The following IGFBP5 variants were observed in gnomAD, a reference collection of about 807,000 sequenced individuals.
IGFBP5 encodes the protein insulin-like growth factor-binding protein 5.
Under a neutral mutation model 28.0 loss-of-function variants are expected in IGFBP5, and 12 were observed. The observed-to-expected ratio is 0.43, with a 90% CI of 0.27 to 0.69. The LOEUF is 0.69. Ranked by LOEUF, IGFBP5 falls within the 30% of genes least tolerant of loss-of-function variation. The probability of loss-of-function intolerance (pLI) is 0.20; values close to 1 mark genes in which losing one functional copy is unlikely to be tolerated. For synonymous variants in IGFBP5, 152 were observed against 150.2 expected (o/e 1.01, Z -0.09); for missense variants, 344 against 381.6 (o/e 0.90, Z 0.82).
intron 2 of IGFBP5, 42 bp downstream of exon 2, chr2:216,678,808 G>A (rs1250469499): frequency 1.3e-6 from 2 of 1,530,226 alleles, no homozygotes; most frequent in African/African-American, 1.4e-5. Context: ...TGCAGGAAAA[G>A]GTCAAAAGCT....
rs1002365842 is a variant in IGFBP5 at position 216,692,460 on chromosome 2, C to A, written c.337+1979G>T. ...CGCGCGTGCGCTCTGCGTGTACACC[C>A]TTCACACTAGCCACATCACACTACA... On this transcript the variant is annotated intron_variant, in intron 1 of 3. Coordinates refer to ENST00000233813, the MANE Select transcript of IGFBP5 (RefSeq NM_000599.4). The surrounding 1 kb of genome is among the most constrained non-coding windows in gnomAD (Gnocchi z 4.2). Among the ~76,000 whole-genome samples the A allele has an allele frequency of 6.6e-6, 1 of 151,866 alleles. No individual in the cohort carries two copies. The highest frequency in any genetic ancestry group is 1.5e-5 in the Non-Finnish European group (1 of 67,984).
intron 1 of IGFBP5, among the ~76,000 whole-genome samples, chr2:216,681,379 A>G (rs889912187): frequency 1.3e-5 from 2 of 152,122 alleles, no homozygotes; most frequent in Non-Finnish European, 2.9e-5. Flanking sequence ...CAAGATTGTA[A>G]CTGGATAAAG....
rs937953288 is a variant in IGFBP5, at chr2:216,675,352, G to A, written c.*1399C>T. On this transcript the variant is annotated 3_prime_UTR_variant, in exon 4 of 4. Transcript: ENST00000233813. ...TGTTCAGATGAAAGGAAAAGGCTGGGGTGGGACTGGTGGATCCATCGTGGA... is the reference window on the plus strand; with the variant it reads ...TGTTCAGATGAAAGGAAAAGGCTGGAGTGGGACTGGTGGATCCATCGTGGA... 1 of 152,600 alleles carries A rather than the reference G, an allele frequency of 6.6e-6. No homozygotes were observed. Among genetic ancestry groups the A allele is most frequent in the Non-Finnish European group, 1.5e-5 (1 of 68,094 alleles). The allele number at this position is 152,600 out of a possible 1,614,324, so 9.5% of individuals were successfully genotyped here.
At chr2:216,678,720 G>T in intron 2 of IGFBP5, 130 bp downstream of exon 2, 1 of 732,210 alleles carries the variant, frequency 1.4e-6, no homozygotes, top group Non-Finnish European at 2.3e-6. Context: ...CACGTCCTAA[G>T]CTGAGCCACA....
In IGFBP5 at chr2:216,676,724, G is replaced by A. The variant is rs750094542; in HGVS notation, c.*27C>T. 2.0e-6 allele frequency: 3 copies of A among 1,533,302 alleles called. No homozygotes were observed. The highest frequency in any genetic ancestry group is 3.5e-5 in the Admixed American group (2 of 57,512). 95.0% of individuals were successfully genotyped at this position (1,533,302 alleles called of 1,614,324 possible). On this transcript the variant is annotated 3_prime_UTR_variant, in exon 4 of 4. Coordinates refer to ENST00000233813, the MANE Select transcript of IGFBP5 (RefSeq NM_000599.4). ...GAGTCGGGGCTGGGGGTGGGAGGGG[G>A]TGAGGGAAAGGTTGGGGGGGGACGC...
Position 216,695,296 on chromosome 2 carries a change from C to G in IGFBP5, c.-521G>C, listed in dbSNP as rs1689154946. On this transcript the variant is annotated 5_prime_UTR_variant, in exon 1 of 4. Transcript: ENST00000233813. ...ACAGGTAAGAGGCGTTGGCTGCAGC[C>G]GAGAGGGTGGGAGAAAATGTTGAAA... 6.6e-6 allele frequency: 1 copy of G among 152,282 alleles called. No homozygotes were observed. Among genetic ancestry groups the G allele is most frequent in the African/African-American group, 2.4e-5 (1 of 41,394 alleles). 9.4% of individuals were successfully genotyped at this position (152,282 alleles called of 1,614,324 possible).
intron 1 of IGFBP5, among the ~76,000 whole-genome samples, chr2:216,690,746 G>C (rs1689085375): frequency 6.7e-6 from 1 of 148,602 alleles, no homozygotes; most frequent in African/African-American, 2.5e-5. Flanking sequence ...GGGGTGGATG[G>C]AGAAGGTCGG....
chr2:216,690,907 G>A (rs1314705107), intron 1 of IGFBP5, among the ~76,000 whole-genome samples: 1 of 126,882 alleles, frequency 7.9e-6, no homozygotes. Context: ...GGGGGCGGGG[G>A]CGGTGGGCGG....
chr2:216,689,490 T>C (rs2241193), intron 1 of IGFBP5, among the ~76,000 whole-genome samples: 125,429 of 152,236 alleles, frequency 0.82, 51,891 homozygotes, highest in Non-Finnish European at 0.87. Flanking sequence ...TAAAACAGAG[T>C]GCCTTCAGAT....
In IGFBP5 at chr2:216,675,868, T is replaced by C. The variant is rs1040832672; in HGVS notation, c.*883A>G. On this transcript the variant is annotated 3_prime_UTR_variant, in exon 4 of 4. Coordinates refer to ENST00000233813, the MANE Select transcript of IGFBP5 (RefSeq NM_000599.4). The stretch of plus-strand genomic sequence containing the variant: ...AGAGGCTGCTGCGCTACTTACAAAT[T>C]GAATTAAATGAGGGCTGAAACGGCA... 2 of 152,018 alleles carry C rather than the reference T, an allele frequency of 1.3e-5. No individual in the cohort carries two copies. The highest frequency in any genetic ancestry group is 4.8e-5 in the African/African-American group (2 of 41,350). 9.4% of individuals were successfully genotyped at this position (152,018 alleles called of 1,614,324 possible).
In IGFBP5 at chr2:216,678,874, A is replaced by G. The variant is rs775801440; in HGVS notation, c.543T>C (p.Pro181=). ...NTAHPRIISA[P]EMRQESEQGP... ...CCTGCTCAGACTCCTGTCTCATCTCAGGTGCAGAGATGATCCGGGGGTGGG... is the reference window on the plus strand; with the variant it reads ...CCTGCTCAGACTCCTGTCTCATCTCGGGTGCAGAGATGATCCGGGGGTGGG... The change falls in exon 2 of 4, where the codon CCT becomes CCC. Residue 181 remains proline (P), a synonymous_variant. Transcript: ENST00000233813. 3.7e-6 allele frequency: 6 copies of G among 1,613,526 alleles called. No individual in the cohort carries two copies. The Admixed American group carries it at 1.0e-4, about 27-fold the overall frequency.
chr2:216,695,060 C>CGGAGG lies in IGFBP5; in HGVS notation c.-286_-285insCCTCC, dbSNP rs1689152503. 3 of 326,478 alleles carry CGGAGG rather than the reference C, an allele frequency of 9.2e-6. No individual in the cohort carries two copies. The highest frequency in any genetic ancestry group is 1.1e-5 in the Non-Finnish European group (2 of 180,708). 20.2% of individuals were successfully genotyped at this position (326,478 alleles called of 1,614,324 possible). A position where few individuals can be genotyped will look rare whatever the true frequency, so the allele number is the denominator to read the frequency against. On this transcript the variant is annotated 5_prime_UTR_variant, in exon 1 of 4. Coordinates refer to ENST00000233813, the MANE Select transcript of IGFBP5 (RefSeq NM_000599.4). ...CGCAGTGAGCGGAGGCCGGAGAAACCCTCAAGCCTGAGCGGGTCAGAATTA... is the reference window on the plus strand; with the variant it reads ...CGCAGTGAGCGGAGGCCGGAGAAACCGGAGGCTCAAGCCTGAGCGGGTCAGAATTA...
intron 3 of IGFBP5, among the ~76,000 whole-genome samples, chr2:216,677,193 C>T (rs1256016859): frequency 2.0e-5 from 3 of 152,028 alleles, no homozygotes; most frequent in Non-Finnish European, 2.9e-5. Context: ...CCTGCCTCAG[C>T]CTCTGGAGTA....
In IGFBP5 at chr2:216,694,381, G is replaced by T. The variant is rs553018374; in HGVS notation, c.337+58C>A. ...CTGCGCAAAGCGCGCGGGCCCAGCC[G>T]GTCTCGTGTCCCCCGCCCGTGCGCC... On this transcript the variant is annotated intron_variant, in intron 1 of 3. Transcript: ENST00000233813. This position sits in a 1 kb window ranked among gnomAD's most constrained non-coding sequence, Gnocchi z 5.2. 1.4e-5 allele frequency: 20 copies of T among 1,393,624 alleles called. No homozygotes were observed. Among genetic ancestry groups the T allele is most frequent in the Non-Finnish European group, 1.9e-5 (20 of 1,062,042 alleles). 86.3% of individuals were successfully genotyped at this position (1,393,624 alleles called of 1,614,324 possible). A position where few individuals can be genotyped will look rare whatever the true frequency, so the allele number is the denominator to read the frequency against.
At position 216,679,340 on chromosome 2, in the gene IGFBP5, A is replaced by G. The variant is rs1688943380; in HGVS notation, c.338-261T>C. 1 of 522,506 alleles carries G rather than the reference A, an allele frequency of 1.9e-6. No homozygotes were observed. The highest frequency in any genetic ancestry group is 1.9e-5 in the African/African-American group (1 of 52,144). The allele number at this position is 522,506 out of a possible 1,614,324, so 32.4% of individuals were successfully genotyped here. A position where few individuals can be genotyped will look rare whatever the true frequency, so the allele number is the denominator to read the frequency against. Reference sequence around the variant, plus strand: ...GAGGCTTCACAGAGGAGGAGAATCGAGAGACTGACAGACTGATGGGTGAGG... The same window carrying G: ...GAGGCTTCACAGAGGAGGAGAATCGGGAGACTGACAGACTGATGGGTGAGG... On this transcript the variant is annotated intron_variant, in intron 1 of 3. Transcript: ENST00000233813. This position sits in a 1 kb window ranked among gnomAD's most constrained non-coding sequence, Gnocchi z 4.6.
In IGFBP5 at chr2:216,676,582, G is replaced by A; in HGVS notation, c.*169C>T. The A allele has an allele frequency of 2.1e-6, 1 of 484,058 alleles. No individual in the cohort carries two copies. The highest frequency in any genetic ancestry group is 3.7e-6 in the Non-Finnish European group (1 of 272,086). 30.0% of individuals were successfully genotyped at this position (484,058 alleles called of 1,614,324 possible). On this transcript the variant is annotated 3_prime_UTR_variant, in exon 4 of 4. Transcript: ENST00000233813. ...CATCTCTGTTGTTGCCATTTTCGAA[G>A]TTGAGCCCTTGCTAGAGATTCCGAG...
rs146150160 is a variant in IGFBP5 at position 216,678,422 on chromosome 2, G to A, written c.568-191C>T. 6.6e-5 allele frequency among the ~76,000 whole-genome samples: 10 copies of A among 152,330 alleles called. No homozygotes were observed. The East Asian group carries it at 1.3e-3, about 21-fold the overall frequency. ...CGTGCGCTGGGATCATACAAAGCCT[G>A]CCTTTGGCCAGGTACGGAGTCATAC... On this transcript the variant is annotated intron_variant, in intron 2 of 3. Coordinates refer to ENST00000233813, the MANE Select transcript of IGFBP5 (RefSeq NM_000599.4).
rs554118643 is a variant in IGFBP5 at position 216,672,929 on chromosome 2, A to T, written c.*3822T>A. Reference sequence around the variant, plus strand: ...TAGTGGTTTTAAAAACACAGACAGTACAAGGCCCAGGTTGCTGGCTGGTGA... The same window carrying T: ...TAGTGGTTTTAAAAACACAGACAGTTCAAGGCCCAGGTTGCTGGCTGGTGA... On this transcript the variant is annotated 3_prime_UTR_variant, in exon 4 of 4. Coordinates refer to ENST00000233813, the MANE Select transcript of IGFBP5 (RefSeq NM_000599.4). 18 of 152,820 alleles carry T rather than the reference A, an allele frequency of 1.2e-4. No individual in the cohort carries two copies. Among genetic ancestry groups the T allele is most frequent in the African/African-American group, 3.1e-4 (13 of 41,596 alleles). 9.5% of individuals were successfully genotyped at this position (152,820 alleles called of 1,614,324 possible).
chr2:216,694,301 G>A lies in IGFBP5; in HGVS notation c.337+138C>T. On this transcript the variant is annotated intron_variant, in intron 1 of 3. Transcript: ENST00000233813. The surrounding 1 kb of genome is among the most constrained non-coding windows in gnomAD (Gnocchi z 5.2). ...GATCCTCCAGGGCTCCAATTCCGGG[G>A]TGCAAGGACCCTCCCCGACTACTCC... is the stretch of plus-strand genomic sequence containing the variant. The A allele has an allele frequency of 3.0e-6, 2 of 669,912 alleles. No individual in the cohort carries two copies. Among genetic ancestry groups the A allele is most frequent in the Non-Finnish European group, 4.8e-6 (2 of 417,352 alleles). The allele number at this position is 669,912 out of a possible 1,614,324, so 41.5% of individuals were successfully genotyped here. A position where few individuals can be genotyped will look rare whatever the true frequency, so the allele number is the denominator to read the frequency against.
Sources: gnomAD v4.1 joint callset for allele counts (sites outside exome capture counted in the v4.1 genomes callset) on GRCh38, gnomAD v4.1.1 for gene constraint, Gnocchi (gnomAD v3.1) non-coding constraint, MANE v1.5 for transcripts, NCBI Gene and HGNC (gene_info 2026-07-23, HGNC 2026-07-21) for gene names.